PTPRN2: variants seen among roughly 807,000 people sequenced by gnomAD.
The protein encoded by PTPRN2 is protein tyrosine phosphatase receptor type N2, also known as receptor-type tyrosine-protein phosphatase N2.
A neutral mutation model predicts 118.8 loss-of-function variants in PTPRN2; 74 were observed. The ratio of observed to expected loss-of-function variants is 0.62; its 90% CI spans 0.52 to 0.76. PTPRN2 has a LOEUF of 0.76. Ranked by LOEUF, PTPRN2 falls within the 30% of genes least tolerant of loss-of-function variation. PTPRN2 has a pLI of 0.00. For synonymous variants in PTPRN2, 641 were observed against 608.0 expected (o/e 1.05, Z -0.80); for missense variants, 1,481 against 1,394.4 (o/e 1.06, Z -0.99).
rs143083460 is a variant in PTPRN2 at position 158,045,709 on chromosome 7, G to T, written c.1723+35589C>A. On this transcript the variant is annotated intron_variant, in intron 11 of 22. Coordinates refer to ENST00000389418, the MANE Select transcript of PTPRN2 (RefSeq NM_002847.5). ...ACCCAGGAGCAGAACCTGTGATCCTGGCGTCCTGACACTGCCTTGTTCTGT... is the reference window on the plus strand; with the variant it reads ...ACCCAGGAGCAGAACCTGTGATCCTTGCGTCCTGACACTGCCTTGTTCTGT... 1.6e-4 allele frequency among the ~76,000 whole-genome samples: 24 copies of T among 152,268 alleles called. No homozygotes were observed. In the East Asian group the frequency reaches 4.1e-3, roughly 26 times the overall value.
In PTPRN2 at chr7:157,644,815, A is replaced by AG. The variant is rs549669950; in HGVS notation, c.2196+11541_2196+11542insC. 4.1e-4 allele frequency among the ~76,000 whole-genome samples: 62 copies of AG among 149,956 alleles called. 1 individual carries two copies. In the East Asian group the frequency reaches 0.012, roughly 28 times the overall value. On this transcript the variant is annotated intron_variant, in intron 14 of 22. Coordinates refer to ENST00000389418, the MANE Select transcript of PTPRN2 (RefSeq NM_002847.5). Reference sequence around the variant, plus strand: ...CATCTCAAAAAACAAAAAAAAAAAAACAAAAAACAAAAGAAAACAAAACAA... The same window carrying AG: ...CATCTCAAAAAACAAAAAAAAAAAAAGCAAAAAACAAAAGAAAACAAAACAA...
chr7:158,337,725 C>T (rs796630927), intron 2 of PTPRN2, among the ~76,000 whole-genome samples: 121 of 126,466 alleles, frequency 9.6e-4, no homozygotes, highest in Middle Eastern at 4.6e-3. Context: ...CGCCCGCAGA[C>T]GTCACTCACA....
intron 3 of PTPRN2, among the ~76,000 whole-genome samples, chr7:158,293,776 CACAA>C (rs1800276377): frequency 1.3e-5 from 2 of 149,632 alleles, no homozygotes; most frequent in Non-Finnish European, 3.0e-5. Flanking sequence ...AAAACTAAGA[CACAA>C]ACACACACCC....
At chr7:158,441,374 C>A (rs1394826204) in intron 2 of PTPRN2, among the ~76,000 whole-genome samples, 4 of 98,736 alleles carry the variant, frequency 4.1e-5, no homozygotes, top group Non-Finnish European at 8.3e-5. Flanking sequence ...GCAGTGGTGG[C>A]AGTGGTGGTG....
intron 11 of PTPRN2, among the ~76,000 whole-genome samples, chr7:158,068,276 G>T (rs79883765): frequency 0.058 from 8,822 of 152,306 alleles, 528 homozygotes; most frequent in African/African-American, 0.15. Context: ...AGGCCCACTG[G>T]GTGCTGAGCT....
At chr7:158,035,552 G>A (rs530456984) in intron 11 of PTPRN2, among the ~76,000 whole-genome samples, 18 of 152,268 alleles carry the variant, frequency 1.2e-4, no homozygotes, top group South Asian at 6.2e-4. Flanking sequence ...TGCTGGCAGC[G>A]CACCCCCAAG....
rs376614731 is a variant in PTPRN2 at position 158,337,803 on chromosome 7, G to T, written c.164-20871C>A. On this transcript the variant is annotated intron_variant, in intron 2 of 22. Transcript: ENST00000389418. The stretch of plus-strand genomic sequence containing the variant: ...CACACCCACACTCTCACCATAAGAG[G>T]TGACGCCCATAGACGTCACTCACAC... 9.7e-4 allele frequency among the ~76,000 whole-genome samples: 3 copies of T among 3,086 alleles called. 1 individual carries two copies. Among genetic ancestry groups the T allele is most frequent in the Non-Finnish European group, 3.1e-3 (2 of 638 alleles). The allele number at this position is 3,086 out of a possible 152,430, so 2.0% of individuals were successfully genotyped here.
chr7:158,311,904 C>T (rs922072798), intron 3 of PTPRN2, among the ~76,000 whole-genome samples: 3 of 150,346 alleles, frequency 2.0e-5, no homozygotes, highest in Non-Finnish European at 2.9e-5. Flanking sequence ...GACACCCACA[C>T]ACGCACACAC....
intron 20 of PTPRN2, 147 bp from the exon 21 acceptor site, chr7:157,569,113 G>T (rs1257465320): frequency 1.3e-6 from 1 of 788,450 alleles, no homozygotes; most frequent in African/African-American, 1.7e-5. Flanking sequence ...GGAAGGACGC[G>T]GGCTGGGAGA....
chr7:158,481,185 A>C (rs1322120671), intron 2 of PTPRN2, among the ~76,000 whole-genome samples: 1 of 152,262 alleles, frequency 6.6e-6, no homozygotes, highest in Admixed American at 6.5e-5. Flanking sequence ...AGGGCCCTTA[A>C]GAATCATGCT....
At chr7:158,270,883 GATGACCCCCTCCACCTGGACCA>G (rs1798381025) in intron 3 of PTPRN2, among the ~76,000 whole-genome samples, 4 of 61,498 alleles carry the variant, frequency 6.5e-5, no homozygotes, top group Non-Finnish European at 1.1e-4. Flanking sequence ...CCTCCACCTG[GATGACCCCCTCCACCTGGACCA>G]CCCCCCCCAC....
chr7:158,323,228 G>A (rs550884469), intron 2 of PTPRN2, among the ~76,000 whole-genome samples: 3 of 152,284 alleles, frequency 2.0e-5, no homozygotes, highest in East Asian at 1.9e-4. Context: ...GGGACTCAAC[G>A]AACTGGGGGG....
intron 11 of PTPRN2, among the ~76,000 whole-genome samples, chr7:157,973,346 A>G (rs956116094): frequency 2.8e-5 from 4 of 142,900 alleles, no homozygotes; most frequent in Admixed American, 7.1e-5. Context: ...AACAAATAGC[A>G]TGCTGTGGGG....
intron 3 of PTPRN2, among the ~76,000 whole-genome samples, chr7:158,276,562 C>CCCAACAGGCTGTAATGTATCACCCCCA (rs1799017227): frequency 6.6e-6 from 1 of 152,276 alleles, no homozygotes; most frequent in African/African-American, 2.4e-5. Flanking sequence ...ACACCCTGGC[C>CCCAACAGGCTGTAATGTATCACCCCCA]CTGGGCAGTC....
chr7:158,083,046 C>G (rs1267234051), intron 10 of PTPRN2, among the ~76,000 whole-genome samples: 1 of 152,196 alleles, frequency 6.6e-6, no homozygotes, highest in African/African-American at 2.4e-5. Context: ...GTTCTACCCC[C>G]TCTCAAAGCC....
chr7:158,515,490 C>A (rs74856635), intron 1 of PTPRN2, among the ~76,000 whole-genome samples: 2 of 152,042 alleles, frequency 1.3e-5, no homozygotes, highest in African/African-American at 4.8e-5. Flanking sequence ...CCCAGCCGTG[C>A]GAATGTAATT....
At chr7:157,837,040 C>G (rs1257521861) in intron 12 of PTPRN2, among the ~76,000 whole-genome samples, 1 of 149,298 alleles carries the variant, frequency 6.7e-6, no homozygotes, top group African/African-American at 2.5e-5. Flanking sequence ...TGTCCACCCA[C>G]CCACCCATCC....
intron 11 of PTPRN2, among the ~76,000 whole-genome samples, chr7:158,071,373 G>GTA (rs1811543413): frequency 3.8e-5 from 4 of 106,602 alleles, no homozygotes; most frequent in Non-Finnish European, 5.8e-5. Context: ...GCTCATGGTG[G>GTA]TGGAGGTGCT....
intron 11 of PTPRN2, among the ~76,000 whole-genome samples, chr7:158,024,880 A>T (rs758548543): frequency 5.9e-5 from 9 of 152,254 alleles, no homozygotes; most frequent in Non-Finnish European, 8.8e-5. Context: ...GGAAGTTTTC[A>T]ATAAGCAACA....
Sources: gnomAD v4.1 joint callset for allele counts (sites outside exome capture counted in the v4.1 genomes callset) on GRCh38, gnomAD v4.1.1 for gene constraint, MANE v1.5 for transcripts, NCBI Gene and HGNC (gene_info 2026-07-23, HGNC 2026-07-21) for gene names.